BMP5: variants seen among roughly 807,000 people sequenced by gnomAD.
BMP5 encodes the protein bone morphogenetic protein 5.
A neutral mutation model predicts 46.6 loss-of-function variants in BMP5; 23 were observed. The observed-to-expected ratio is 0.49, with a 90% confidence interval of 0.35 to 0.70. The LOEUF (loss-of-function observed/expected upper bound fraction) is 0.70, where lower values mean the gene tolerates loss of function less well. BMP5 is among the 30% of genes least tolerant of loss of function. The pLI, the probability that BMP5 is intolerant of heterozygous loss-of-function variation, is 0.00. For synonymous variants in BMP5, 204 were observed against 191.9 expected (o/e 1.06, Z -0.52); for missense variants, 545 against 565.6 (o/e 0.96, Z 0.37).
At chr6:55,856,741 G>A (rs1231195103) in intron 1 of BMP5, among the ~76,000 whole-genome samples, 1 of 151,710 alleles carries the variant, frequency 6.6e-6, no homozygotes, top group Non-Finnish European at 1.5e-5. Context: ...ACTGTTCCAT[G>A]GAATCTCAAA....
intron 4 of BMP5, among the ~76,000 whole-genome samples, chr6:55,766,822 C>T (rs1410222622): frequency 6.6e-6 from 1 of 151,926 alleles, no homozygotes. Flanking sequence ...GACAATGGTC[C>T]ATGGCTCTAC....
At chr6:55,851,103 G>GT (rs11437364) in intron 1 of BMP5, among the ~76,000 whole-genome samples, 3,573 of 146,744 alleles carry the variant, frequency 0.024, 132 homozygotes, top group African/African-American at 0.084. Flanking sequence ...AGTGTTGTGG[G>GT]TTTTTTGTTT....
At chr6:55,776,581 T>C (rs1332002019) in intron 3 of BMP5, among the ~76,000 whole-genome samples, 1 of 151,992 alleles carries the variant, frequency 6.6e-6, no homozygotes, top group African/African-American at 2.4e-5. Flanking sequence ...AGCTTTTATT[T>C]TGATATTTTA....
chr6:55,789,803 C>A (rs12196302), intron 3 of BMP5, among the ~76,000 whole-genome samples: 26,425 of 151,916 alleles, frequency 0.17, 2,620 homozygotes, highest in Non-Finnish European at 0.23. Flanking sequence ...TATATTTTTT[C>A]ATTTGCTTGC....
chr6:55,853,967 A>G (rs1395610848), intron 1 of BMP5, among the ~76,000 whole-genome samples: 1 of 152,208 alleles, frequency 6.6e-6, no homozygotes. Flanking sequence ...AGAATTTTTT[A>G]CCAAATATAA....
At chr6:55,766,349 C>A (rs1447013568) in intron 4 of BMP5, among the ~76,000 whole-genome samples, 1 of 151,860 alleles carries the variant, frequency 6.6e-6, no homozygotes, top group Non-Finnish European at 1.5e-5. Context: ...TTTTTTCTTT[C>A]TTTGTTTCCT....
At chr6:55,839,058 T>C (rs184024728) in intron 1 of BMP5, among the ~76,000 whole-genome samples, 32 of 152,224 alleles carry the variant, frequency 2.1e-4, no homozygotes, top group Admixed American at 1.7e-3. Context: ...TTCATTCATG[T>C]TCTCAGGTCT....
At chr6:55,793,009 G>A (rs1459636437) in intron 3 of BMP5, among the ~76,000 whole-genome samples, 1 of 151,274 alleles carries the variant, frequency 6.6e-6, no homozygotes, top group Non-Finnish European at 1.5e-5. Flanking sequence ...TCTCCATGAT[G>A]TTTTTTATAA....
intron 6 of BMP5, among the ~76,000 whole-genome samples, chr6:55,756,238 T>G (rs1441788295): frequency 6.6e-6 from 1 of 151,976 alleles, no homozygotes; most frequent in Non-Finnish European, 1.5e-5. Context: ...AGCAATGATT[T>G]CAGCTCTTCA....
chr6:55,874,331 T>G (rs769286403), intron 1 of BMP5, 45 bp downstream of exon 1: 1 of 1,611,500 alleles, frequency 6.2e-7, no homozygotes, highest in East Asian at 2.2e-5. Context: ...AGGGAAAACT[T>G]CCACTTTGTA....
intron 1 of BMP5, among the ~76,000 whole-genome samples, chr6:55,832,972 G>T (rs759648270): frequency 2.6e-5 from 4 of 151,868 alleles, no homozygotes; most frequent in Non-Finnish European, 5.9e-5. Flanking sequence ...AAAAATTATT[G>T]GGGAATGGTG....
Position 55,755,506 on chromosome 6 carries a change from T to C in BMP5, c.*27A>G. On this transcript the variant is annotated 3_prime_UTR_variant, in exon 7 of 7. Transcript: ENST00000370830. ...CAGCCATAAACCTTAATACAGATCT[T>C]TTTGTTATTATCAATATTATTTAAT... is the stretch of plus-strand genomic sequence containing the variant. 6.3e-7 allele frequency: 1 copy of C among 1,590,534 alleles called. No individual in the cohort carries two copies. The highest frequency in any genetic ancestry group is 1.3e-5 in the African/African-American group (1 of 74,164).
intron 3 of BMP5, among the ~76,000 whole-genome samples, chr6:55,792,277 T>C (rs1775588467): frequency 6.6e-6 from 1 of 152,156 alleles, no homozygotes; most frequent in Non-Finnish European, 1.5e-5. Flanking sequence ...CTCACGCCTG[T>C]AATCCCAGCA....
At chr6:55,836,359 C>A (rs1451853137) in intron 1 of BMP5, among the ~76,000 whole-genome samples, 1 of 152,034 alleles carries the variant, frequency 6.6e-6, no homozygotes, top group Non-Finnish European at 1.5e-5. Flanking sequence ...GTGTATGTAA[C>A]TATTTTGCAA....
chr6:55,857,385 A>G (rs567095318), intron 1 of BMP5, among the ~76,000 whole-genome samples: 1 of 152,334 alleles, frequency 6.6e-6, no homozygotes, highest in Non-Finnish European at 1.5e-5. Flanking sequence ...AAAACCTTAC[A>G]TTTAGAGACC....
intron 2 of BMP5, among the ~76,000 whole-genome samples, chr6:55,804,063 T>C (rs1434153081): frequency 6.6e-6 from 1 of 152,238 alleles, no homozygotes; most frequent in East Asian, 1.9e-4. Flanking sequence ...ACAATAATTT[T>C]ATTTTTCTTA....
intron 3 of BMP5, among the ~76,000 whole-genome samples, chr6:55,785,427 A>T (rs1775424119): frequency 6.6e-6 from 1 of 151,838 alleles, no homozygotes; most frequent in South Asian, 2.1e-4. Flanking sequence ...CATTTTGCTC[A>T]TTTGTATGCA....
chr6:55,758,743 A>G (rs999859476), intron 6 of BMP5, among the ~76,000 whole-genome samples: 3 of 151,938 alleles, frequency 2.0e-5, no homozygotes, highest in Admixed American at 6.6e-5. Context: ...TGTAATGAAC[A>G]AACAGTTCAA....
chr6:55,772,958 T>A (rs1775082142), intron 4 of BMP5: 1 of 976,898 alleles, frequency 1.0e-6, no homozygotes, highest in Non-Finnish European at 1.2e-6. Flanking sequence ...CTATTTCTTA[T>A]CTAAACACTC....
Sources: gnomAD v4.1 joint callset for allele counts (sites outside exome capture counted in the v4.1 genomes callset) on GRCh38, gnomAD v4.1.1 for gene constraint, MANE v1.5 for transcripts, NCBI Gene and HGNC (gene_info 2026-07-23, HGNC 2026-07-21) for gene names.